GRAMD4: variants seen among roughly 807,000 people sequenced by gnomAD.
GRAMD4 encodes GRAM domain-containing protein 4.
A neutral mutation model predicts 83.9 loss-of-function variants in GRAMD4; 25 were observed. The ratio of observed to expected loss-of-function variants is 0.30; its 90% CI spans 0.22 to 0.42. GRAMD4 has a LOEUF of 0.42. GRAMD4 is among the 10% of genes least tolerant of loss of function. GRAMD4 has a pLI of 1.00. For synonymous variants in GRAMD4, 336 were observed against 320.9 expected (o/e 1.05, Z -0.50); for missense variants, 593 against 788.7 (o/e 0.75, Z 2.97).
upstream of GRAMD4, among the ~76,000 whole-genome samples, chr22:46,618,829 G>A (rs532810417): frequency 3.3e-5 from 5 of 152,006 alleles, no homozygotes; most frequent in African/African-American, 9.7e-5. This position sits in a 1 kb window ranked among gnomAD's most constrained non-coding sequence, Gnocchi z 5.8. Context: ...AGTGAGGAAC[G>A]GGGCTATCAA....
At chr22:46,644,090 T>G (rs929725922) in intron 3 of GRAMD4, among the ~76,000 whole-genome samples, 5 of 152,264 alleles carry the variant, frequency 3.3e-5, no homozygotes, top group African/African-American at 1.2e-4. Flanking sequence ...AGGTAAATGT[T>G]AAGGTGCTCA....
upstream of GRAMD4, chr22:46,620,345 A>G (rs77082559): frequency 1.8e-3 from 1,822 of 985,392 alleles, 32 homozygotes; most frequent in African/African-American, 0.029. This position sits in a 1 kb window ranked among gnomAD's most constrained non-coding sequence, Gnocchi z 4.7. Context: ...ATCCTGGGAG[A>G]ACCTGGACAG....
chr22:46,675,400 A>T, intron 16 of GRAMD4, 68 bp from the exon 17 acceptor site: 1 of 1,042,838 alleles, frequency 9.6e-7, no homozygotes, highest in Non-Finnish European at 1.5e-6. Context: ...GCCCCGGGAG[A>T]CCCCCACCTG....
intron 1 of GRAMD4, among the ~76,000 whole-genome samples, chr22:46,581,816 C>T (rs368110161): frequency 2.0e-5 from 3 of 152,196 alleles, no homozygotes; most frequent in East Asian, 1.9e-4. Context: ...GGGGGTTGGG[C>T]GGAGAGCGTG....
At chr22:46,612,725 C>T (rs2081430120) in intron 1 of GRAMD4, among the ~76,000 whole-genome samples, 1 of 152,242 alleles carries the variant, frequency 6.6e-6, no homozygotes, top group Non-Finnish European at 1.5e-5. Context: ...ACTCTCAACC[C>T]TTTAGGGCTG....
At chr22:46,640,886 A>T (rs1046064380) in intron 3 of GRAMD4, among the ~76,000 whole-genome samples, 34 of 151,098 alleles carry the variant, frequency 2.3e-4, no homozygotes, top group Middle Eastern at 6.8e-3. Context: ...TTCAGCTGTA[A>T]ATATTTCAGT....
Position 46,677,333 on chromosome 22 carries a change from A to G in GRAMD4, c.*82A>G. ...TTTTTTTTACGATTTGGTAGTGGAA[A>G]CAATTGGACATCCTCATGAGCTTTT... On this transcript the variant is annotated 3_prime_UTR_variant, in exon 19 of 19. Coordinates refer to ENST00000406902, the MANE Select transcript of GRAMD4 (RefSeq NM_015124.5). 1 of 1,488,038 alleles carries G rather than the reference A, an allele frequency of 6.7e-7. No homozygotes were observed. Among genetic ancestry groups the G allele is most frequent in the Admixed American group, 2.5e-5 (1 of 39,684 alleles). 92.2% of individuals were successfully genotyped at this position (1,488,038 alleles called of 1,614,324 possible).
At chr22:46,655,542 G>A (rs545507106) in intron 3 of GRAMD4, among the ~76,000 whole-genome samples, 1 of 152,238 alleles carries the variant, frequency 6.6e-6, no homozygotes, top group African/African-American at 2.4e-5. Flanking sequence ...GGGGGTGAAG[G>A]GCCCCCGCCC....
At chr22:46,636,980 C>A (rs1215484401) in intron 2 of GRAMD4, among the ~76,000 whole-genome samples, 2 of 152,142 alleles carry the variant, frequency 1.3e-5, no homozygotes, top group African/African-American at 4.8e-5. Flanking sequence ...GGCTGTGAGC[C>A]GCGGTTTTCA....
chr22:46,658,597 AAG>A (rs1228405372), intron 4 of GRAMD4, among the ~76,000 whole-genome samples: 1 of 151,986 alleles, frequency 6.6e-6, no homozygotes, highest in East Asian at 1.9e-4. Context: ...AGGCCAACTG[AAG>A]AGAGGCTTGG....
chr22:46,629,481 G>A (rs905066020), intron 2 of GRAMD4, among the ~76,000 whole-genome samples: 3 of 152,078 alleles, frequency 2.0e-5, no homozygotes, highest in African/African-American at 4.8e-5. Flanking sequence ...ACACTGCTCC[G>A]GCCCAGGCTC....
intron 1 of GRAMD4, among the ~76,000 whole-genome samples, chr22:46,597,820 G>A (rs1408709973): frequency 1.3e-5 from 2 of 152,172 alleles, no homozygotes; most frequent in African/African-American, 4.8e-5. Flanking sequence ...ACAAAAACAA[G>A]TACAGTTTGA....
Position 46,626,646 on chromosome 22 carries a change from G to A in GRAMD4, c.-49-105G>A, listed in dbSNP as rs542967928. The A allele has an allele frequency of 8.8e-4, 583 of 663,852 alleles. 1 individual carries two copies. The highest frequency in any genetic ancestry group is 1.3e-3 in the Admixed American group (47 of 35,220). 41.1% of individuals were successfully genotyped at this position (663,852 alleles called of 1,614,324 possible). A position where few individuals can be genotyped will look rare whatever the true frequency, so the allele number is the denominator to read the frequency against. Reference sequence around the variant, plus strand: ...GGTGGCAGGGCGGGGTCTCTGGGTCGGGGTTTTCTTTGGAAAGCTGGACCG... The same window carrying A: ...GGTGGCAGGGCGGGGTCTCTGGGTCAGGGTTTTCTTTGGAAAGCTGGACCG... On this transcript the variant is annotated intron_variant, in intron 1 of 18. Coordinates refer to ENST00000406902, the MANE Select transcript of GRAMD4 (RefSeq NM_015124.5).
At chr22:46,638,734 T>C (rs1269447044) in intron 3 of GRAMD4, among the ~76,000 whole-genome samples, 2 of 152,212 alleles carry the variant, frequency 1.3e-5, no homozygotes, top group Non-Finnish European at 2.9e-5. Flanking sequence ...GCTGACTCTA[T>C]GGTGGAATTC....
intron 1 of GRAMD4, among the ~76,000 whole-genome samples, chr22:46,604,637 A>G (rs185894007): frequency 2.0e-5 from 3 of 152,356 alleles, no homozygotes; most frequent in African/African-American, 4.8e-5. Context: ...GATAAGTGGA[A>G]TCTCACAGTG....
chr22:46,576,573 G>A (rs1278766223), upstream of GRAMD4, among the ~76,000 whole-genome samples: 1 of 152,220 alleles, frequency 6.6e-6, no homozygotes, highest in Non-Finnish European at 1.5e-5. Context: ...GGCGCGCCAG[G>A]TACTGCGCGA....
At position 46,663,177 on chromosome 22, in the gene GRAMD4, G is replaced by A; in HGVS notation, c.599+5G>A. On this transcript the variant is annotated splice_donor_5th_base_variant and intron_variant, in intron 6 of 18. Transcript: ENST00000406902. ...GGAACCCCTGAGCGCCCGCAGGTAG[G>A]GGTTCGCCGAGCTGGGGCTGCCTGT... 4 of 1,609,640 alleles carry A rather than the reference G, an allele frequency of 2.5e-6. No homozygotes were observed. The highest frequency in any genetic ancestry group is 3.4e-6 in the Non-Finnish European group (4 of 1,177,868).
rs2082623763 is a variant in GRAMD4 at position 46,677,965 on chromosome 22, G to A, written c.*714G>A. ...TGGCCTCCAGGGCGCTCAGCACCGC[G>A]TCTGTAAGGGCCTGCCTGCTGCTCT... On this transcript the variant is annotated 3_prime_UTR_variant, in exon 19 of 19. Coordinates refer to ENST00000406902, the MANE Select transcript of GRAMD4 (RefSeq NM_015124.5). The A allele has an allele frequency of 2.2e-5, 22 of 985,228 alleles. No homozygotes were observed. The highest frequency in any genetic ancestry group is 2.7e-5 in the Non-Finnish European group (22 of 829,788). The allele number at this position is 985,228 out of a possible 1,614,324, so 61.0% of individuals were successfully genotyped here.
At chr22:46,591,151 C>G (rs1375762879) in intron 1 of GRAMD4, among the ~76,000 whole-genome samples, 4 of 152,238 alleles carry the variant, frequency 2.6e-5, no homozygotes, top group Non-Finnish European at 5.9e-5. Context: ...CTGCTGCCCT[C>G]TCAGCCGCGG....
Sources: allele counts gnomAD v4.1 joint callset (sites outside exome capture counted in the v4.1 genomes callset), GRCh38; gene constraint gnomAD v4.1.1; non-coding constraint Gnocchi (gnomAD v3.1); transcripts MANE v1.5; gene names NCBI Gene and HGNC (gene_info 2026-07-23, HGNC 2026-07-21).